The following LAMA2 variants were observed in gnomAD, a reference collection of about 807,000 sequenced individuals.
LAMA2 encodes laminin subunit alpha 2, also known as laminin subunit alpha-2.
In LAMA2, 269 loss-of-function variants were observed where a neutral mutation model predicts 364.8. The ratio of observed to expected loss-of-function variants is 0.74; its 90% CI spans 0.67 to 0.82. LAMA2 has a LOEUF of 0.82. LAMA2 is among the 40% of genes least tolerant of loss of function. LAMA2 has a pLI of 0.00. For synonymous variants in LAMA2, 1,379 were observed against 1,370.6 expected (o/e 1.01, Z -0.14); for missense variants, 3,807 against 3,873.2 (o/e 0.98, Z 0.45).
At chr6:128,889,686 A>G (rs1776340946) in intron 1 of LAMA2, among the ~76,000 whole-genome samples, 1 of 152,204 alleles carries the variant, frequency 6.6e-6, no homozygotes, top group Admixed American at 6.5e-5. Context: ...TAGTAAGGCA[A>G]AACTTTACTT....
At chr6:128,895,228 C>A (rs919755464) in intron 1 of LAMA2, among the ~76,000 whole-genome samples, 1 of 152,156 alleles carries the variant, frequency 6.6e-6, no homozygotes, top group African/African-American at 2.4e-5. Context: ...AAATCAAAAT[C>A]TCTGCCATAT....
Position 129,456,332 on chromosome 6 carries a change from A to G in LAMA2, c.6708-3A>G. ...CCCTTCACTTCAACACGTACCCTTG[A>G]AGAACTGGGAGAAATGGAACTATTT... On this transcript the variant is annotated splice_polypyrimidine_tract_variant and splice_region_variant and intron_variant, in intron 47 of 64. Coordinates refer to ENST00000421865, the MANE Select transcript of LAMA2 (RefSeq NM_000426.4). 1 of 1,613,342 alleles carries G rather than the reference A, an allele frequency of 6.2e-7. No homozygotes were observed. The highest frequency in any genetic ancestry group is 8.5e-7 in the Non-Finnish European group (1 of 1,179,440).
intron 55 of LAMA2, among the ~76,000 whole-genome samples, chr6:129,485,856 C>T (rs1299779680): frequency 2.0e-5 from 3 of 152,214 alleles, no homozygotes; most frequent in African/African-American, 7.2e-5. Flanking sequence ...GAGCACGTGG[C>T]ATCAGCTCTA....
intron 12 of LAMA2, among the ~76,000 whole-genome samples, chr6:129,221,993 CAT>C (rs1217277593): frequency 2.6e-5 from 4 of 152,116 alleles, no homozygotes; most frequent in Admixed American, 1.3e-4. Flanking sequence ...TTTGAGCAAA[CAT>C]ATATTTGCTG....
Position 129,315,595 on chromosome 6 carries a change from A to G in LAMA2, c.3675A>G (p.Arg1225=). 1 of 1,614,188 alleles carries G rather than the reference A, an allele frequency of 6.2e-7. No homozygotes were observed. Among genetic ancestry groups the G allele is most frequent in the Non-Finnish European group, 8.5e-7 (1 of 1,180,006 alleles). The change falls in exon 25 of 65, where the codon AGA becomes AGG. Residue 1225 remains arginine, a synonymous_variant. Transcript: ENST00000421865. ...TTGTTGCCCACATGGACCTGATGAG[A>G]GAAGATCTCCATTTGGAACCTTTTT... ...PEIVAHMDLM[R]EDLHLEPFYW...
chr6:128,889,838 T>A (rs1351211230), intron 1 of LAMA2, among the ~76,000 whole-genome samples: 3 of 152,220 alleles, frequency 2.0e-5, no homozygotes, highest in African/African-American at 7.2e-5. Flanking sequence ...CTAAGTAATC[T>A]TGAGTGTGGA....
chr6:128,942,039 C>T (rs1261581901), intron 1 of LAMA2, among the ~76,000 whole-genome samples: 1 of 152,156 alleles, frequency 6.6e-6, no homozygotes, highest in African/African-American at 2.4e-5. Flanking sequence ...TTAAAACAAG[C>T]TCAGAAAACA....
chr6:129,265,560 C>T (rs1787445589), intron 15 of LAMA2, among the ~76,000 whole-genome samples: 1 of 151,676 alleles, frequency 6.6e-6, no homozygotes, highest in Non-Finnish European at 1.5e-5. Flanking sequence ...TCTAGGGAGG[C>T]AAAAAATGTA....
At chr6:129,056,791 C>T (rs1234201046) in intron 2 of LAMA2, among the ~76,000 whole-genome samples, 7 of 152,164 alleles carry the variant, frequency 4.6e-5, no homozygotes, top group Non-Finnish European at 8.8e-5. Flanking sequence ...AGTGCAATGG[C>T]GTGATCTTGG....
rs549114137 is a variant in LAMA2, at chr6:129,402,307, T to C, written c.5563-17T>C. 15 of 1,606,488 alleles carry C rather than the reference T, an allele frequency of 9.3e-6. 1 individual carries two copies. Among genetic ancestry groups the C allele is most frequent in the African/African-American group, 1.3e-5 (1 of 74,682 alleles). On this transcript the variant is annotated splice_polypyrimidine_tract_variant and intron_variant, in intron 38 of 64. Transcript: ENST00000421865. ...TTGAATTCACTTGCTTAAAATGCCC[T>C]CTTCTCTACATATCAGTATGTTGAA...
chr6:129,155,534 A>T (rs1289781419), intron 8 of LAMA2, among the ~76,000 whole-genome samples: 1 of 152,020 alleles, frequency 6.6e-6, no homozygotes, highest in Non-Finnish European at 1.5e-5. Context: ...AAGTCTAAAT[A>T]TTTTTTTATC....
At chr6:129,021,277 C>T (rs936451754) in intron 1 of LAMA2, among the ~76,000 whole-genome samples, 21 of 152,112 alleles carry the variant, frequency 1.4e-4, no homozygotes, top group African/African-American at 5.1e-4. Context: ...CCTATTTATT[C>T]CAAAATATTT....
intron 56 of LAMA2, chr6:129,490,937 G>C (rs1176856436): frequency 6.6e-6 from 1 of 152,098 alleles, no homozygotes; most frequent in South Asian, 2.1e-4. Context: ...TACTTGTAAA[G>C]TGCCAATTCA....
In LAMA2 at chr6:129,098,330, G is replaced by T. The variant is rs150586612; in HGVS notation, c.554G>T (p.Arg185Leu). 5 of 1,613,858 alleles carry T rather than the reference G, an allele frequency of 3.1e-6. No homozygotes were observed. The South Asian group carries it at 5.5e-5, about 18-fold the overall frequency. The part of the protein sequence containing the change: ...ECLTLYNIYP[R>L]TGPPSYAKDD... Reference sequence around the variant, plus strand: ...CTAACGCTTTACAATATTTATCCCCGCACTGGGCCACCGTCATATGCCAAA... The same window carrying T: ...CTAACGCTTTACAATATTTATCCCCTCACTGGGCCACCGTCATATGCCAAA... The change falls in exon 4 of 65, where the codon CGC becomes CTC. Residue 185 changes from arginine (R) to leucine (L), a missense_variant. This residue lies in a region of LAMA2 where 394 missense variants were observed against 403.5 expected (regional missense o/e 0.98). Coordinates refer to ENST00000421865, the MANE Select transcript of LAMA2 (RefSeq NM_000426.4).
intron 1 of LAMA2, among the ~76,000 whole-genome samples, chr6:129,026,745 A>C (rs1785851106): frequency 6.6e-6 from 1 of 152,164 alleles, no homozygotes; most frequent in South Asian, 2.1e-4. Context: ...GATATAATTT[A>C]ATATTCGTGG....
At chr6:128,962,272 T>A (rs1781584271) in intron 1 of LAMA2, among the ~76,000 whole-genome samples, 1 of 150,142 alleles carries the variant, frequency 6.7e-6, no homozygotes, top group South Asian at 2.1e-4. Context: ...TAAGTGTGTG[T>A]GTTCATGGTC....
chr6:128,981,453 C>A (rs977666289), intron 1 of LAMA2, among the ~76,000 whole-genome samples: 1 of 151,852 alleles, frequency 6.6e-6, no homozygotes, highest in Non-Finnish European at 1.5e-5. Context: ...ATTAAAAATG[C>A]CTTCCAGGGC....
At chr6:129,498,257 G>A (rs1785346603) in intron 58 of LAMA2, among the ~76,000 whole-genome samples, 1 of 152,190 alleles carries the variant, frequency 6.6e-6, no homozygotes, top group African/African-American at 2.4e-5. Flanking sequence ...AGCTCTCTTT[G>A]GGATTTGGGG....
chr6:129,381,691 T>G (rs1778700478), intron 34 of LAMA2, among the ~76,000 whole-genome samples: 1 of 152,180 alleles, frequency 6.6e-6, no homozygotes, highest in Non-Finnish European at 1.5e-5. Context: ...AATCCAAAAG[T>G]GAAAATAATT....
Sources: gnomAD v4.1 joint callset for allele counts (sites outside exome capture counted in the v4.1 genomes callset) on GRCh38, gnomAD v4.1.1 for gene constraint, gnomAD v4.1.1 regional missense constraint, MANE v1.5 for transcripts, NCBI Gene and HGNC (gene_info 2026-07-23, HGNC 2026-07-21) for gene names.